Variants in PHKA2 observed in about 807,000 individuals in gnomAD.
The protein encoded by PHKA2 is phosphorylase kinase regulatory subunit alpha 2.
A neutral mutation model predicts 102.0 loss-of-function variants in PHKA2; 31 were observed. That is an observed-to-expected ratio of 0.30 (90% CI 0.23 to 0.41). The LOEUF (loss-of-function observed/expected upper bound fraction) is 0.41, where lower values mean the gene tolerates loss of function less well. Ranked by LOEUF, PHKA2 falls within the 10% of genes least tolerant of loss-of-function variation. The probability of loss-of-function intolerance (pLI) is 1.00; values close to 1 mark genes in which losing one functional copy is unlikely to be tolerated. For missense variants in PHKA2, 858 were observed against 1,023.1 expected (o/e 0.84, Z 2.20); for synonymous variants, 455 against 416.2 (o/e 1.09, Z -1.13).
chrX:18,925,063 T>C (rs1198554181), intron 15 of PHKA2, among the ~76,000 whole-genome samples: 1 of 112,232 alleles, frequency 8.9e-6, no homozygotes, highest in African/African-American at 3.2e-5. Flanking sequence ...GCTCACAAGC[T>C]TTCTGTGAGC....
chrX:18,895,025 T>G, intron 31 of PHKA2, 113 bp downstream of exon 31: 1 of 725,629 alleles, frequency 1.4e-6, no homozygotes, highest in Non-Finnish European at 2.2e-6. Context: ...GAGCTACAAA[T>G]GGCCTGTCAA....
At chrX:18,942,417 G>C (rs922068901) in intron 7 of PHKA2, among the ~76,000 whole-genome samples, 1 of 111,917 alleles carries the variant, frequency 8.9e-6, no homozygotes, top group Non-Finnish European at 1.9e-5. Context: ...GAAGGACTTA[G>C]GGTACCATGT....
chrX:18,971,452 G>A (rs1229742959), intron 1 of PHKA2, among the ~76,000 whole-genome samples: 2 of 112,186 alleles, frequency 1.8e-5, no homozygotes, highest in Non-Finnish European at 3.8e-5. Flanking sequence ...AAGAGATACA[G>A]TGAAGTAAGT....
At chrX:18,958,854 C>A (rs1189720575) in intron 1 of PHKA2, among the ~76,000 whole-genome samples, 1 of 111,205 alleles carries the variant, frequency 9.0e-6, no homozygotes, top group Non-Finnish European at 1.9e-5. Context: ...GGATTACAGG[C>A]ACATGCCACC....
intron 17 of PHKA2, among the ~76,000 whole-genome samples, chrX:18,923,700 C>A (rs1364340507): frequency 8.9e-6 from 1 of 112,210 alleles, no homozygotes; most frequent in Non-Finnish European, 1.9e-5. Flanking sequence ...TTATTGGGCA[C>A]CTGCAGGATC....
chrX:18,948,700 T>G, intron 5 of PHKA2, 44 bp downstream of exon 5: 1 of 889,655 alleles, frequency 1.1e-6, no homozygotes. Flanking sequence ...TTATTCTTTT[T>G]GTTGACTGGA....
intron 20 of PHKA2, among the ~76,000 whole-genome samples, chrX:18,910,117 T>A (rs2047897836): frequency 8.9e-6 from 1 of 112,300 alleles, no homozygotes; most frequent in Admixed American, 9.4e-5. Flanking sequence ...ATCTTATTTT[T>A]AAAATTTTTT....
chrX:18,975,192 C>A (rs2049069741), intron 1 of PHKA2, among the ~76,000 whole-genome samples: 1 of 111,690 alleles, frequency 9.0e-6, no homozygotes, highest in Admixed American at 9.5e-5. Context: ...TTGAATTGTA[C>A]TCCCACAATT....
chrX:18,954,417 T>C lies in PHKA2; in HGVS notation c.79-5A>G. 2.5e-6 allele frequency: 3 copies of C among 1,209,254 alleles called. No individual in the cohort carries two copies. The highest frequency in any genetic ancestry group is 3.4e-6 in the Non-Finnish European group (3 of 894,545). On this transcript the variant is annotated splice_region_variant and splice_polypyrimidine_tract_variant and intron_variant, in intron 1 of 32. Coordinates refer to ENST00000379942, the MANE Select transcript of PHKA2 (RefSeq NM_000292.3). ...CAGCAGCCCCGTGACGGGATTCTAT[T>C]AGAGAAGAGACACAAAATGGCTCAG...
At chrX:18,981,773 C>G (rs779558437) in intron 1 of PHKA2, among the ~76,000 whole-genome samples, 34 of 111,404 alleles carry the variant, frequency 3.1e-4, no homozygotes, top group African/African-American at 1.1e-3. Flanking sequence ...AAAATCATAA[C>G]ACCACCAAGA....
At chrX:18,906,842 T>C (rs757784210) in intron 23 of PHKA2, 28 bp from the exon 24 acceptor site, 3 of 1,152,719 alleles carry the variant, frequency 2.6e-6, no homozygotes, top group South Asian at 1.8e-5. Context: ...GTCACGAATG[T>C]GATGAGGTGT....
At chrX:18,895,017 G>A in intron 31 of PHKA2, 121 bp downstream of exon 31, 4 of 693,074 alleles carry the variant, frequency 5.8e-6, no homozygotes, top group Non-Finnish European at 9.5e-6. Flanking sequence ...ACAGCTCAGA[G>A]CTACAAATGG....
intron 1 of PHKA2, 45 bp downstream of exon 1, chrX:18,983,810 T>C (rs201080940): frequency 8.6e-6 from 9 of 1,046,505 alleles, no homozygotes; most frequent in Non-Finnish European, 1.2e-5. Context: ...ATGAGTTACA[T>C]GAGAGGGTAG....
rs201611776 is a variant in PHKA2, at chrX:18,906,512, C to T, written c.2789G>A (p.Arg930Gln). Residue 930 changes from arginine to glutamine, a missense_variant, in exon 25 of 33, where the codon CGG becomes CAG. By Grantham distance (43) the Arg-to-Gln change is conservative. Around this residue, in one of 2 missense-constraint regions of PHKA2, gnomAD observed 671 missense variants for 745.2 expected, o/e 0.90. Coordinates refer to ENST00000379942, the MANE Select transcript of PHKA2 (RefSeq NM_000292.3). Reference protein sequence around the residue: ...IIQVMATELARSLNCSGEEAS... With the variant: ...IIQVMATELAQSLNCSGEEAS... ...CATCTCACCTGAGCAGTTCAGGCTC[C>T]GTGCCAGCTCCGTGGCCATCACCTG... 9 of 1,212,034 alleles carry T rather than the reference C, an allele frequency of 7.4e-6. No individual in the cohort carries two copies. The highest frequency in any genetic ancestry group is 5.3e-5 in the South Asian group (3 of 57,026).
chrX:18,930,933 C>G (rs996096688), intron 12 of PHKA2, among the ~76,000 whole-genome samples: 2 of 111,318 alleles, frequency 1.8e-5, no homozygotes, highest in Non-Finnish European at 3.8e-5. Context: ...TGGGCTCCTT[C>G]CCCTCCCTGC....
Position 18,893,221 on chromosome X carries a change from T to G in PHKA2, c.*264A>C. On this transcript the variant is annotated 3_prime_UTR_variant, in exon 33 of 33. Coordinates refer to ENST00000379942, the MANE Select transcript of PHKA2 (RefSeq NM_000292.3). Reference sequence around the variant, plus strand: ...CCTCCTCAGAGTCCGTGAGACCAGATGCTACAGCAAATGTTCCAGAGAAAT... The same window carrying G: ...CCTCCTCAGAGTCCGTGAGACCAGAGGCTACAGCAAATGTTCCAGAGAAAT... 2.4e-6 allele frequency: 1 copy of G among 412,828 alleles called. No individual in the cohort carries two copies. Among genetic ancestry groups the G allele is most frequent in the Non-Finnish European group, 4.3e-6 (1 of 234,340 alleles). The allele number at this position is 412,828 out of a possible 1,213,427, so 34.0% of individuals were successfully genotyped here. A position where few individuals can be genotyped will look rare whatever the true frequency, so the allele number is the denominator to read the frequency against.
At chrX:18,895,258 A>C in intron 30 of PHKA2, 67 bp from the exon 31 acceptor site, 1 of 955,793 alleles carries the variant, frequency 1.0e-6, no homozygotes, top group African/African-American at 1.9e-5. Flanking sequence ...ATGCACACAC[A>C]GGCGTGCATG....
intron 2 of PHKA2, among the ~76,000 whole-genome samples, chrX:18,953,603 A>G (rs187907516): frequency 6.1e-4 from 69 of 112,379 alleles, no homozygotes; most frequent in African/African-American, 2.2e-3. Context: ...TCAGTTTATG[A>G]TGATGTCTTG....
intron 2 of PHKA2, among the ~76,000 whole-genome samples, 161 bp downstream of exon 2, chrX:18,954,093 G>A (rs962471132): frequency 8.9e-6 from 1 of 111,952 alleles, no homozygotes; most frequent in African/African-American, 3.2e-5. Context: ...ACCAATGTGA[G>A]GTTGAGATAA....
Sources: allele counts gnomAD v4.1 joint callset (sites outside exome capture counted in the v4.1 genomes callset), GRCh38; gene constraint gnomAD v4.1.1; regional missense constraint gnomAD v4.1.1; transcripts MANE v1.5; gene names NCBI Gene and HGNC (gene_info 2026-07-23, HGNC 2026-07-21).